Variants in CAMSAP2 observed in about 807,000 individuals in gnomAD.
The protein encoded by CAMSAP2 is calmodulin regulated spectrin associated protein family member 2.
A neutral mutation model predicts 146.1 loss-of-function variants in CAMSAP2; 26 were observed. That is an observed-to-expected ratio of 0.18 (90% CI 0.13 to 0.25). The LOEUF (loss-of-function observed/expected upper bound fraction) is 0.25. Ranked by LOEUF, CAMSAP2 falls within the 10% of genes least tolerant of loss-of-function variation. The pLI is 1.00. For missense variants in CAMSAP2, 1,381 were observed against 1,759.3 expected (o/e 0.78, Z 3.85); for synonymous variants, 499 against 596.6 (o/e 0.84, Z 2.38).
chr1:200,835,409 T>G (rs1485379472), intron 6 of CAMSAP2, among the ~76,000 whole-genome samples: 1 of 152,222 alleles, frequency 6.6e-6, no homozygotes, highest in African/African-American at 2.4e-5. Context: ...TGCTAGACAC[T>G]GTACTGAGCC....
At chr1:200,768,893 C>G (rs1378364466) in intron 2 of CAMSAP2, among the ~76,000 whole-genome samples, 1 of 152,082 alleles carries the variant, frequency 6.6e-6, no homozygotes, top group Non-Finnish European at 1.5e-5. Context: ...ACCTCGTGAT[C>G]CACCCACCCT....
intron 2 of CAMSAP2, among the ~76,000 whole-genome samples, chr1:200,772,120 C>T (rs1171049030): frequency 6.6e-5 from 10 of 152,100 alleles, no homozygotes; most frequent in Admixed American, 5.2e-4. Flanking sequence ...TTAACTATGA[C>T]TCACAGTTAG....
At chr1:200,845,381 A>T (rs946352956) in intron 8 of CAMSAP2, among the ~76,000 whole-genome samples, 1 of 151,932 alleles carries the variant, frequency 6.6e-6, no homozygotes, top group African/African-American at 2.4e-5. Flanking sequence ...CAAGACGAGG[A>T]TTTTATTACT....
rs904165036 is a variant in CAMSAP2 at position 200,859,204 on chromosome 1, A to G, written c.*1145A>G. 2.0e-5 allele frequency: 3 copies of G among 152,542 alleles called. No homozygotes were observed. Among genetic ancestry groups the G allele is most frequent in the Non-Finnish European group, 4.4e-5 (3 of 67,890 alleles). 9.4% of individuals were successfully genotyped at this position (152,542 alleles called of 1,614,324 possible). A position where few individuals can be genotyped will look rare whatever the true frequency, so the allele number is the denominator to read the frequency against. On this transcript the variant is annotated 3_prime_UTR_variant, in exon 17 of 17. Coordinates refer to ENST00000358823, the MANE Select transcript of CAMSAP2 (RefSeq NM_203459.4). Reference sequence around the variant, plus strand: ...CTTTAACAGTGTATACCAGAGGGTTAGTTGGGGAAAAACTTCATTCTCAGG... The same window carrying G: ...CTTTAACAGTGTATACCAGAGGGTTGGTTGGGGAAAAACTTCATTCTCAGG...
chr1:200,857,528 A>G lies in CAMSAP2; in HGVS notation c.4131+104A>G. ...GCCTAGACTTTCAACAGCATGTAAA[A>G]AGATCTGTAGCTAGATGTTTTAATT... On this transcript the variant is annotated intron_variant, in intron 16 of 16. Transcript: ENST00000358823. The surrounding 1 kb of genome is among the most constrained non-coding windows in gnomAD (Gnocchi z 4.7). 6 of 855,732 alleles carry G rather than the reference A, an allele frequency of 7.0e-6. No homozygotes were observed. The South Asian group carries it at 7.9e-5, about 11-fold the overall frequency. 53.0% of individuals were successfully genotyped at this position (855,732 alleles called of 1,614,324 possible).
intron 2 of CAMSAP2, among the ~76,000 whole-genome samples, chr1:200,785,042 G>T (rs1260315321): frequency 1.3e-5 from 2 of 152,130 alleles, no homozygotes; most frequent in South Asian, 2.1e-4. Flanking sequence ...CATTTATCCT[G>T]TTAATAGGTG....
chr1:200,816,335 G>A (rs1335157903), intron 4 of CAMSAP2, among the ~76,000 whole-genome samples: 5 of 150,950 alleles, frequency 3.3e-5, no homozygotes, highest in Admixed American at 1.3e-4. Context: ...GCTCACACCT[G>A]TAATCCCAGC....
In CAMSAP2 at chr1:200,848,578, T is replaced by G. The variant is rs745712306; in HGVS notation, c.1809T>G (p.Thr603=). The change falls in exon 11 of 17, where the codon ACT becomes ACG. Residue 603 remains threonine, a synonymous_variant. Transcript: ENST00000358823. ...TDTKGALSPI[T]DNTEVDTGIH... ...CGAAAGGTGCCTTGAGTCCCATAACTGACAATACTGAAGTAGACACTGGAA... is the reference window on the plus strand; with the variant it reads ...CGAAAGGTGCCTTGAGTCCCATAACGGACAATACTGAAGTAGACACTGGAA... 1.2e-6 allele frequency: 2 copies of G among 1,614,074 alleles called. No homozygotes were observed. The highest frequency in any genetic ancestry group is 1.7e-6 in the Non-Finnish European group (2 of 1,179,928).
At position 200,853,269 on chromosome 1, in the gene CAMSAP2, T is replaced by C. The variant is rs1468959154; in HGVS notation, c.3603-6T>C. The C allele has an allele frequency of 6.2e-7, 1 of 1,611,720 alleles. No homozygotes were observed. The highest frequency in any genetic ancestry group is 8.5e-7 in the Non-Finnish European group (1 of 1,179,266). ...GAATAAGAACTGTAACCATTTGATT[T>C]CTTAGGCGTAAAACTGAGGAAGAAC... On this transcript the variant is annotated splice_region_variant and splice_polypyrimidine_tract_variant and intron_variant, in intron 12 of 16. Transcript: ENST00000358823. This position sits in a 1 kb window ranked among gnomAD's most constrained non-coding sequence, Gnocchi z 5.1.
At chr1:200,856,469 A>G (rs992988308) in intron 15 of CAMSAP2, among the ~76,000 whole-genome samples, 7 of 152,312 alleles carry the variant, frequency 4.6e-5, no homozygotes, top group African/African-American at 1.7e-4. Flanking sequence ...AGAATTGTGC[A>G]CCTTTAGCAA....
In CAMSAP2 at chr1:200,807,553, CTT is replaced by C. The variant is rs765536946; in HGVS notation, c.561+17_561+18del. On this transcript the variant is annotated intron_variant, in intron 3 of 16. Transcript: ENST00000358823. ...GATAAATAAGGTAGGATTATACTCA[CTT>C]GAGTAAATCGCATCTCATAGCCAGA... The C allele has an allele frequency of 6.7e-7, 1 of 1,502,072 alleles. No individual in the cohort carries two copies. The highest frequency in any genetic ancestry group is 1.3e-5 in the South Asian group (1 of 74,278). 93.0% of individuals were successfully genotyped at this position (1,502,072 alleles called of 1,614,324 possible).
chr1:200,770,324 G>A (rs919044528), intron 2 of CAMSAP2, among the ~76,000 whole-genome samples: 12 of 152,140 alleles, frequency 7.9e-5, no homozygotes, highest in Non-Finnish European at 1.6e-4. Context: ...GATAATGTTA[G>A]GATTTAAACT....
At chr1:200,847,592 T>C in intron 9 of CAMSAP2, 48 bp from the exon 10 acceptor site, 1 of 1,472,986 alleles carries the variant, frequency 6.8e-7, no homozygotes, top group Non-Finnish European at 9.5e-7. Context: ...TGCTATAAGT[T>C]AATTTTTTTA....
At chr1:200,768,101 A>AT (rs1212577726) in intron 2 of CAMSAP2, among the ~76,000 whole-genome samples, 1 of 152,222 alleles carries the variant, frequency 6.6e-6, no homozygotes, top group Non-Finnish European at 1.5e-5. Context: ...TTCTACCATG[A>AT]TTACAAAGAG....
intron 2 of CAMSAP2, among the ~76,000 whole-genome samples, chr1:200,783,983 A>G (rs1316562118): frequency 1.3e-5 from 2 of 151,970 alleles, no homozygotes; most frequent in Non-Finnish European, 2.9e-5. Flanking sequence ...ATTTAGAACT[A>G]TGATTCATTT....
At position 200,751,103 on chromosome 1, in the gene CAMSAP2, A is replaced by G. The variant is rs999435426; in HGVS notation, c.140-9736A>G. Among the ~76,000 whole-genome samples the G allele has an allele frequency of 3.3e-5, 5 of 150,646 alleles. No individual in the cohort carries two copies. In the South Asian group the frequency reaches 6.3e-4, roughly 19 times the overall value. ...TTTTTAGTAGAGATAGGGTTTCACC[A>G]TGTTGGCCAGGCTGATCTTGAACTC... is the stretch of plus-strand genomic sequence containing the variant. On this transcript the variant is annotated intron_variant, in intron 1 of 16. Transcript: ENST00000358823.
At position 200,837,237 on chromosome 1, in the gene CAMSAP2, T is replaced by G. The variant is rs760516312; in HGVS notation, c.927+4392T>G. ...TTATAGTTTTGGGTTTATATTTAAT[T>G]CTTTAATCCATCTTGAGTTAATTTT... is the stretch of plus-strand genomic sequence containing the variant. On this transcript the variant is annotated intron_variant, in intron 6 of 16. Transcript: ENST00000358823. Among the ~76,000 whole-genome samples the G allele has an allele frequency of 6.6e-5, 10 of 152,326 alleles. No homozygotes were observed. The South Asian group carries it at 1.2e-3, about 19-fold the overall frequency.
chr1:200,836,378 T>A (rs1667184833), intron 6 of CAMSAP2, among the ~76,000 whole-genome samples: 1 of 152,234 alleles, frequency 6.6e-6, no homozygotes, highest in Non-Finnish European at 1.5e-5. Flanking sequence ...TTGCTAAGGA[T>A]AATGACCTCC....
At chr1:200,800,380 A>C (rs1666002697) in intron 2 of CAMSAP2, among the ~76,000 whole-genome samples, 1 of 152,070 alleles carries the variant, frequency 6.6e-6, no homozygotes, top group Admixed American at 6.6e-5. Context: ...TAGGATAGTT[A>C]GTTCTTCTTG....
Sources: gnomAD v4.1 joint callset for allele counts (sites outside exome capture counted in the v4.1 genomes callset) on GRCh38, gnomAD v4.1.1 for gene constraint, Gnocchi (gnomAD v3.1) non-coding constraint, MANE v1.5 for transcripts, NCBI Gene and HGNC (gene_info 2026-07-23, HGNC 2026-07-21) for gene names.